Variants in SPHKAP observed in about 807,000 individuals in gnomAD.
The protein encoded by SPHKAP is A-kinase anchor protein SPHKAP.
SPHKAP carries 67 observed loss-of-function variants against 137.5 expected under a neutral mutation model. That is an observed-to-expected ratio of 0.49 (90% CI 0.40 to 0.60). SPHKAP has a LOEUF of 0.60. Among genes scored for constraint, SPHKAP ranks in the 20% least tolerant of loss-of-function variants. The probability of loss-of-function intolerance (pLI) is 0.00; values close to 1 mark genes in which losing one functional copy is unlikely to be tolerated. For synonymous variants in SPHKAP, 813 were observed against 785.3 expected, an observed-to-expected ratio of 1.04 and a Z score of -0.59; for missense variants, 2,097 against 2,069.3, an observed-to-expected ratio of 1.01 and a Z score of -0.26.
At chr2:228,112,785 A>G (rs1293117900) in intron 2 of SPHKAP, among the ~76,000 whole-genome samples, 1 of 152,162 alleles carries the variant, frequency 6.6e-6, no homozygotes, top group Non-Finnish European at 1.5e-5. Flanking sequence ...AGATATTTTA[A>G]AGATTTTTTT....
At chr2:228,126,053 C>T (rs1237501656) in intron 2 of SPHKAP, among the ~76,000 whole-genome samples, 1 of 152,068 alleles carries the variant, frequency 6.6e-6, no homozygotes, top group Non-Finnish European at 1.5e-5. Context: ...GCACACCAGC[C>T]TGGGCAACAG....
chr2:228,069,055 T>C (rs1370522274), intron 3 of SPHKAP, among the ~76,000 whole-genome samples: 1 of 152,054 alleles, frequency 6.6e-6, no homozygotes. Flanking sequence ...TCACTTGAAG[T>C]CAGGAGTTCA....
Position 228,076,093 on chromosome 2 carries a change from A to C in SPHKAP, c.246+32739T>G, listed in dbSNP as rs192249068. Among the ~76,000 whole-genome samples, 127 of 152,276 alleles carry C rather than the reference A, an allele frequency of 8.3e-4. No individual in the cohort carries two copies. In the South Asian group the frequency reaches 8.9e-3, roughly 11 times the overall value. ...ATTCTAAAAATGGGAGTTTCCCTGC[A>C]CAAGCCCTCTTTGCCTGCTGCCATC... On this transcript the variant is annotated intron_variant, in intron 3 of 11. Transcript: ENST00000392056.
intron 3 of SPHKAP, among the ~76,000 whole-genome samples, chr2:228,030,283 AG>A (rs1695235047): frequency 6.6e-6 from 1 of 152,022 alleles, no homozygotes; most frequent in South Asian, 2.1e-4. Flanking sequence ...TGGGAGGCCA[AG>A]GTGGGCGGAT....
chr2:228,111,717 T>G (rs1698523271), intron 2 of SPHKAP, among the ~76,000 whole-genome samples: 1 of 152,138 alleles, frequency 6.6e-6, no homozygotes, highest in Admixed American at 6.6e-5. Flanking sequence ...GATACAAATC[T>G]TTACAGAAAT....
At position 228,020,037 on chromosome 2, in the gene SPHKAP, T is replaced by C. The variant is rs201849881; in HGVS notation, c.817A>G (p.Ile273Val). ...KWLYALEDKY[I>V]NKYPTPLIKT... ...ATCAATGGTGTGGGATATTTGTTGA[T>C]GTATTTGTCTTCCAAAGCATAAAGC... Residue 273 changes from isoleucine to valine, a missense_variant, in exon 7 of 12, where the codon ATC becomes GTC. Transcript: ENST00000392056. 3 of 1,614,242 alleles carry C rather than the reference T, an allele frequency of 1.9e-6. No homozygotes were observed. Among genetic ancestry groups the C allele is most frequent in the East Asian group, 4.5e-5 (2 of 44,888 alleles).
intron 1 of SPHKAP, among the ~76,000 whole-genome samples, chr2:228,164,653 C>T (rs573536431): frequency 6.6e-6 from 1 of 152,186 alleles, no homozygotes; most frequent in African/African-American, 2.4e-5. Context: ...ACCCAATGGT[C>T]CCCAAGGCTT....
chr2:228,078,540 A>G (rs1697256095), intron 3 of SPHKAP, among the ~76,000 whole-genome samples: 1 of 152,136 alleles, frequency 6.6e-6, no homozygotes, highest in African/African-American at 2.4e-5. Context: ...ATAAAACTTT[A>G]TTAACAAAGA....
chr2:228,177,099 G>A (rs1258214524), intron 1 of SPHKAP, among the ~76,000 whole-genome samples: 2 of 116,670 alleles, frequency 1.7e-5, no homozygotes, highest in Non-Finnish European at 3.7e-5. Flanking sequence ...CCATTTACAA[G>A]ATCATGGAGT....
intron 3 of SPHKAP, among the ~76,000 whole-genome samples, chr2:228,107,182 T>G (rs1698369405): frequency 6.6e-6 from 1 of 152,254 alleles, no homozygotes; most frequent in South Asian, 2.1e-4. Flanking sequence ...CCTCTTAAAC[T>G]TATCCCTTCA....
chr2:228,173,896 G>A (rs1050820781), intron 1 of SPHKAP, among the ~76,000 whole-genome samples: 1 of 152,104 alleles, frequency 6.6e-6, no homozygotes, highest in African/African-American at 2.4e-5. Flanking sequence ...CAATAATTTG[G>A]CTCTGTAATA....
chr2:228,128,367 A>G (rs1204688563), intron 2 of SPHKAP, among the ~76,000 whole-genome samples: 2 of 152,222 alleles, frequency 1.3e-5, no homozygotes, highest in Non-Finnish European at 2.9e-5. Flanking sequence ...CATTCCTTCA[A>G]GATCTATCAG....
chr2:228,021,068 GCAA>G (rs966214564), intron 6 of SPHKAP, among the ~76,000 whole-genome samples: 5 of 152,142 alleles, frequency 3.3e-5, no homozygotes, highest in African/African-American at 1.2e-4. Context: ...AGGGACAGTG[GCAA>G]CAACATCTGG....
At chr2:228,165,180 G>A (rs944195459) in intron 1 of SPHKAP, among the ~76,000 whole-genome samples, 28 of 151,178 alleles carry the variant, frequency 1.9e-4, no homozygotes, top group Non-Finnish European at 8.8e-5. Context: ...CATCTCACAG[G>A]CATTTGGAAC....
rs1442314181 is a variant in SPHKAP, at chr2:227,991,092, C to T, written c.4867G>A (p.Glu1623Lys). Reference sequence around the variant, plus strand: ...ATCCACTGCAGAGTGGCTCGGAGCTCGGCATCTGGACACTCTGGCTCCAGG... The same window carrying T: ...ATCCACTGCAGAGTGGCTCGGAGCTTGGCATCTGGACACTCTGGCTCCAGG... ...FDLEPECPDA[E>K]LRATLQWIAA... Residue 1623 changes from glutamate to lysine, a missense_variant, in exon 11 of 12, where the codon GAG becomes AAG. By Grantham distance (56) the Glu-to-Lys change is moderately conservative. Transcript: ENST00000392056. 8 of 1,614,086 alleles carry T rather than the reference C, an allele frequency of 5.0e-6. No homozygotes were observed. The highest frequency in any genetic ancestry group is 2.7e-5 in the African/African-American group (2 of 75,050).
intron 7 of SPHKAP, among the ~76,000 whole-genome samples, chr2:228,000,698 T>A (rs1693823556): frequency 6.6e-6 from 1 of 152,180 alleles, no homozygotes; most frequent in Non-Finnish European, 1.5e-5. Context: ...TTAAGGTTCC[T>A]CTGTATCTTT....
rs777395576 is a variant in SPHKAP, at chr2:228,018,193, G to A, written c.2661C>T (p.Tyr887=). 2 of 1,614,192 alleles carry A rather than the reference G, an allele frequency of 1.2e-6. No homozygotes were observed. Among genetic ancestry groups the A allele is most frequent in the Non-Finnish European group, 1.7e-6 (2 of 1,180,034 alleles). The change falls in exon 7 of 12, where the codon TAC becomes TAT. Residue 887 remains tyrosine (Y), a synonymous_variant. Coordinates refer to ENST00000392056, the MANE Select transcript of SPHKAP (RefSeq NM_001142644.2). ...CGTTGATGCGAGATGTGGCACAGTT[G>A]TACTTTTCTTGGGTGTTTGGGTGGA... ...ESIHPNTQEK[Y]NCATSRINEV...
chr2:228,073,655 G>T (rs1037097119), intron 3 of SPHKAP, among the ~76,000 whole-genome samples: 2 of 152,110 alleles, frequency 1.3e-5, no homozygotes, highest in East Asian at 1.9e-4. Context: ...AACCTTTTCC[G>T]AATTAAATCA....
chr2:228,092,568 T>C lies in SPHKAP; in HGVS notation c.246+16264A>G, dbSNP rs564344490. On this transcript the variant is annotated intron_variant, in intron 3 of 11. Coordinates refer to ENST00000392056, the MANE Select transcript of SPHKAP (RefSeq NM_001142644.2). ...CATATATATGTGTATATGTGCCATATATATGTGTATATTATATGTGTATAT... is the reference window on the plus strand; with the variant it reads ...CATATATATGTGTATATGTGCCATACATATGTGTATATTATATGTGTATAT... Among the ~76,000 whole-genome samples the C allele has an allele frequency of 4.6e-3, 623 of 134,562 alleles. 27 individuals are homozygous for C. Among genetic ancestry groups the C allele is most frequent in the African/African-American group, 0.015 (553 of 36,700 alleles). The allele number at this position is 134,562 out of a possible 152,430, so 88.3% of individuals were successfully genotyped here. A position where few individuals can be genotyped will look rare whatever the true frequency, so the allele number is the denominator to read the frequency against.
Sources: allele counts gnomAD v4.1 joint callset (sites outside exome capture counted in the v4.1 genomes callset), GRCh38; gene constraint gnomAD v4.1.1; transcripts MANE v1.5; gene names NCBI Gene and HGNC (gene_info 2026-07-23, HGNC 2026-07-21).